Variants in MAPKAPK5 observed in about 807,000 individuals in gnomAD.
The protein encoded by MAPKAPK5 is MAPK activated protein kinase 5.
In MAPKAPK5, 30 loss-of-function variants were observed where a neutral mutation model predicts 65.1. That is an observed-to-expected ratio of 0.46 (90% CI 0.34 to 0.63). The LOEUF is 0.63. MAPKAPK5 is among the 20% of genes least tolerant of loss of function. The pLI, the probability that MAPKAPK5 is intolerant of heterozygous loss-of-function variation, is 0.01. For synonymous variants in MAPKAPK5, 179 were observed against 204.6 expected, an observed-to-expected ratio of 0.87 and a Z score of 1.07; for missense variants, 433 against 581.4, an observed-to-expected ratio of 0.74 and a Z score of 2.63.
rs760821357 is a variant in MAPKAPK5, at chr12:111,867,499, A to G, written c.187-73A>G. Reference sequence around the variant, plus strand: ...TTTTTATTGTAATTAGCTTGTACCTAGTATGGTCAGTTTTTGGAGAGAAAA... The same window carrying G: ...TTTTTATTGTAATTAGCTTGTACCTGGTATGGTCAGTTTTTGGAGAGAAAA... On this transcript the variant is annotated intron_variant, in intron 3 of 13. Transcript: ENST00000550735. 6.8e-6 allele frequency: 7 copies of G among 1,026,508 alleles called. No individual in the cohort carries two copies. In the Admixed American group the frequency reaches 1.2e-4, roughly 18 times the overall value. 63.6% of individuals were successfully genotyped at this position (1,026,508 alleles called of 1,614,324 possible). A position where few individuals can be genotyped will look rare whatever the true frequency, so the allele number is the denominator to read the frequency against.
intron 1 of MAPKAPK5, among the ~76,000 whole-genome samples, chr12:111,858,817 A>G (rs1204960147): frequency 1.4e-5 from 2 of 146,792 alleles, no homozygotes; most frequent in African/African-American, 5.1e-5. Context: ...CTGGGATTAC[A>G]GGCGTGAGCC....
intron 8 of MAPKAPK5, chr12:111,882,640 T>C (rs757407876): frequency 3.0e-5 from 5 of 168,336 alleles, no homozygotes; most frequent in Non-Finnish European, 6.0e-5. Flanking sequence ...GGCCATGGAG[T>C]CACCTTACTA....
Position 111,900,529 on chromosome 12 carries a change from T to G in MAPKAPK5, c.*7468T>G, listed in dbSNP as rs1290655317. ...CGAGAACACAAAGGGGCCTGCCTAT[T>G]TAACAAGCCACGGCCCAGGGGCCGC... On this transcript the variant is annotated 3_prime_UTR_variant, in exon 14 of 14. Coordinates refer to ENST00000550735, the MANE Select transcript of MAPKAPK5 (RefSeq NM_003668.4). The G allele has an allele frequency of 1.5e-5, 7 of 455,964 alleles. No individual in the cohort carries two copies. The highest frequency in any genetic ancestry group is 1.4e-4 in the African/African-American group (7 of 50,076). The allele number at this position is 455,964 out of a possible 1,614,324, so 28.2% of individuals were successfully genotyped here. A position where few individuals can be genotyped will look rare whatever the true frequency, so the allele number is the denominator to read the frequency against.
intron 1 of MAPKAPK5, among the ~76,000 whole-genome samples, chr12:111,858,430 C>A (rs1392454212): frequency 6.6e-6 from 1 of 151,700 alleles, no homozygotes; most frequent in Non-Finnish European, 1.5e-5. Context: ...TTCTACAGGT[C>A]TCATTTTTCT....
At position 111,855,579 on chromosome 12, in the gene MAPKAPK5, C is replaced by T. The variant is rs904158322; in HGVS notation, c.37-9671C>T. Among the ~76,000 whole-genome samples the T allele has an allele frequency of 3.9e-5, 6 of 152,134 alleles. 1 individual carries two copies. In the South Asian group the frequency reaches 8.3e-4, roughly 21 times the overall value. On this transcript the variant is annotated intron_variant, in intron 1 of 13. Coordinates refer to ENST00000550735, the MANE Select transcript of MAPKAPK5 (RefSeq NM_003668.4). ...TGCAGTGGCTCACGCCTGTAATCCT[C>T]GCACTTTGGGAGGCCAAGGCAGGCG...
In MAPKAPK5 at chr12:111,901,071, A is replaced by G. The variant is rs963313194; in HGVS notation, c.*8010A>G. ...TTCAGGTATTACAGGCTTACCAAAA[A>G]TCAATCTCCAACATACAATGATTCA... On this transcript the variant is annotated 3_prime_UTR_variant, in exon 14 of 14. Coordinates refer to ENST00000550735, the MANE Select transcript of MAPKAPK5 (RefSeq NM_003668.4). 1 of 455,954 alleles carries G rather than the reference A, an allele frequency of 2.2e-6. No individual in the cohort carries two copies. Among genetic ancestry groups the G allele is most frequent in the Non-Finnish European group, 4.4e-6 (1 of 226,806 alleles). The allele number at this position is 455,954 out of a possible 1,614,324, so 28.2% of individuals were successfully genotyped here.
intron 1 of MAPKAPK5, among the ~76,000 whole-genome samples, chr12:111,864,349 C>T (rs754792411): frequency 1.1e-3 from 164 of 152,250 alleles, no homozygotes; most frequent in Non-Finnish European, 2.0e-3. Context: ...TATAGGCACG[C>T]GCCACCACGC....
intron 1 of MAPKAPK5, among the ~76,000 whole-genome samples, chr12:111,863,764 G>A (rs926744665): frequency 2.0e-5 from 3 of 151,924 alleles, no homozygotes; most frequent in Non-Finnish European, 1.5e-5. Flanking sequence ...GCGCCACCAT[G>A]CCTGGCTAAT....
chr12:111,854,243 CT>C (rs1345112193), intron 1 of MAPKAPK5, among the ~76,000 whole-genome samples: 146 of 141,682 alleles, frequency 1.0e-3, no homozygotes, highest in Non-Finnish European at 1.0e-3. Context: ...TTTTCTTTTT[CT>C]TTTTTTTTTT....
intron 4 of MAPKAPK5, 145 bp from the exon 5 acceptor site, chr12:111,868,608 G>A (rs910460939): frequency 1.6e-6 from 1 of 606,728 alleles, no homozygotes; most frequent in Admixed American, 3.4e-5. Flanking sequence ...TTTGCTCTTA[G>A]TAACTGTGTT....
chr12:111,866,193 C>T lies in MAPKAPK5; in HGVS notation c.148C>T (p.Leu50=), dbSNP rs888337843. ...GAAATCTACTCAAGAACGGTTTGCG[C>T]TGAAAATTCTTCTTGATCGTCCAAA... is the stretch of plus-strand genomic sequence containing the variant. The part of the protein sequence containing the change: ...VKKSTQERFA[L]KILLDRPKAR... The change falls in exon 3 of 14, where the codon CTG becomes TTG. Residue 50 remains leucine (L), a synonymous_variant. Coordinates refer to ENST00000550735, the MANE Select transcript of MAPKAPK5 (RefSeq NM_003668.4). 1.9e-6 allele frequency: 3 copies of T among 1,612,376 alleles called. No homozygotes were observed. The African/African-American group carries it at 4.0e-5, about 22-fold the overall frequency.
intron 1 of MAPKAPK5, among the ~76,000 whole-genome samples, chr12:111,847,833 A>G (rs2068953898): frequency 2.0e-5 from 3 of 152,098 alleles, no homozygotes; most frequent in Admixed American, 2.0e-4. Context: ...CTTTGTCACT[A>G]TAGTTTTTGC....
chr12:111,849,076 C>A (rs993609686), intron 1 of MAPKAPK5, among the ~76,000 whole-genome samples: 5 of 150,582 alleles, frequency 3.3e-5, no homozygotes, highest in African/African-American at 1.2e-4. Context: ...AAATTGATTT[C>A]TTTGCCTTAT....
At chr12:111,855,853 C>CTTT (rs144921229) in intron 1 of MAPKAPK5, among the ~76,000 whole-genome samples, 3 of 135,744 alleles carry the variant, frequency 2.2e-5, no homozygotes, top group African/African-American at 5.5e-5. Context: ...TGTTTAATTT[C>CTTT]TTTTTTTTTT....
intron 1 of MAPKAPK5, among the ~76,000 whole-genome samples, chr12:111,849,965 C>T (rs1039155659): frequency 2.0e-5 from 3 of 151,796 alleles, no homozygotes; most frequent in Non-Finnish European, 2.9e-5. Context: ...CTCAAGCAGT[C>T]GTCACACTTT....
At position 111,842,776 on chromosome 12, in the gene MAPKAPK5, G is replaced by C. The variant is rs201950716; in HGVS notation, c.36+7G>C. 5 of 1,326,616 alleles carry C rather than the reference G, an allele frequency of 3.8e-6. No homozygotes were observed. The highest frequency in any genetic ancestry group is 4.9e-6 in the Non-Finnish European group (5 of 1,029,670). 82.2% of individuals were successfully genotyped at this position (1,326,616 alleles called of 1,614,324 possible). On this transcript the variant is annotated splice_region_variant and intron_variant, in intron 1 of 13. Coordinates refer to ENST00000550735, the MANE Select transcript of MAPKAPK5 (RefSeq NM_003668.4). ...CATGGACAAAGCCATCAAGGTAAGG[G>C]GGAGGTGCCCCCTCTTCCCCCGCGT... is the stretch of plus-strand genomic sequence containing the variant.
chr12:111,843,143 G>C (rs2068781996), intron 1 of MAPKAPK5: 1 of 398,530 alleles, frequency 2.5e-6, no homozygotes, highest in Admixed American at 4.4e-5. Context: ...AGAACTTGGA[G>C]AGTTGGAATT....
intron 10 of MAPKAPK5, among the ~76,000 whole-genome samples, chr12:111,887,209 C>G (rs913444761): frequency 6.6e-6 from 1 of 152,142 alleles, no homozygotes; most frequent in Non-Finnish European, 1.5e-5. Flanking sequence ...CTAAGTTTAG[C>G]TGGAGCATGG....
intron 12 of MAPKAPK5, chr12:111,889,640 GT>G: frequency 5.6e-6 from 1 of 178,002 alleles, no homozygotes; most frequent in East Asian, 1.4e-4. Context: ...GATTCCTTGG[GT>G]TTTAAGAGAA....
Sources: gnomAD v4.1 joint callset for allele counts (sites outside exome capture counted in the v4.1 genomes callset) on GRCh38, gnomAD v4.1.1 for gene constraint, MANE v1.5 for transcripts, NCBI Gene and HGNC (gene_info 2026-07-23, HGNC 2026-07-21) for gene names.